Variants in NDST1 observed in about 807,000 individuals in gnomAD.
The protein encoded by NDST1 is N-deacetylase and N-sulfotransferase 1.
Under a neutral mutation model 92.8 loss-of-function variants are expected in NDST1, and 35 were observed. The ratio of observed to expected loss-of-function variants is 0.38; its 90% CI spans 0.29 to 0.50. The LOEUF is 0.50. NDST1 is among the 20% of genes least tolerant of loss of function. The pLI, the probability that NDST1 is intolerant of heterozygous loss-of-function variation, is 0.94. For synonymous variants in NDST1, 493 were observed against 500.3 expected (o/e 0.99, Z 0.19); for missense variants, 822 against 1,182.7 (o/e 0.69, Z 4.47).
Position 150,528,306 on chromosome 5 carries a change from C to T in NDST1, c.1008+8C>T, listed in dbSNP as rs775679380. 20 of 1,583,000 alleles carry T rather than the reference C, an allele frequency of 1.3e-5. No homozygotes were observed. The highest frequency in any genetic ancestry group is 4.5e-5 in the East Asian group (2 of 44,432). ...AAGGTGGAGGACGTGAAGGTATGGC[C>T]GGGGGTGCTAGACCGGGCAAGGCAG... On this transcript the variant is annotated splice_region_variant and intron_variant, in intron 3 of 14. Transcript: ENST00000261797.
Position 150,555,733 on chromosome 5 carries a change from A to G in NDST1, c.*2401A>G, listed in dbSNP as rs988605156. The G allele has an allele frequency of 6.6e-6, 1 of 152,260 alleles. No individual in the cohort carries two copies. The highest frequency in any genetic ancestry group is 1.5e-5 in the Non-Finnish European group (1 of 68,058). The allele number at this position is 152,260 out of a possible 1,614,324, so 9.4% of individuals were successfully genotyped here. The stretch of plus-strand genomic sequence containing the variant: ...CTCTAGGCCTGGAGGCCTCTCTCGC[A>G]GAGCATGGAAGGCAGGAGAGGTGGG... On this transcript the variant is annotated 3_prime_UTR_variant, in exon 15 of 15. Coordinates refer to ENST00000261797, the MANE Select transcript of NDST1 (RefSeq NM_001543.5).
chr5:150,544,802 A>G (rs1755407210), intron 10 of NDST1, among the ~76,000 whole-genome samples: 1 of 152,210 alleles, frequency 6.6e-6, no homozygotes, highest in Non-Finnish European at 1.5e-5. Context: ...TGTGGGTAGC[A>G]GGAGGTCCTG....
At chr5:150,529,203 G>C (rs4958339) in intron 3 of NDST1, among the ~76,000 whole-genome samples, 47,463 of 151,734 alleles carry the variant, frequency 0.31, 8,717 homozygotes, top group Non-Finnish European at 0.4. Context: ...ACCAGCTTGA[G>C]CAACATAAGG....
rs575767478 is a variant in NDST1, at chr5:150,520,990, C to T, written c.-265C>T. On this transcript the variant is annotated 5_prime_UTR_variant, in exon 2 of 15. Transcript: ENST00000261797. ...GACGCCCTGGGGCACTTCTGCTCTGCACAGGACCACGCGGGGGTTTGCCAT... is the reference window on the plus strand; with the variant it reads ...GACGCCCTGGGGCACTTCTGCTCTGTACAGGACCACGCGGGGGTTTGCCAT... The T allele has an allele frequency of 2.2e-4, 130 of 594,580 alleles. 1 individual carries two copies. Among genetic ancestry groups the T allele is most frequent in the African/African-American group, 2.1e-3 (115 of 53,892 alleles). 36.8% of individuals were successfully genotyped at this position (594,580 alleles called of 1,614,324 possible). A position where few individuals can be genotyped will look rare whatever the true frequency, so the allele number is the denominator to read the frequency against.
intron 2 of NDST1, among the ~76,000 whole-genome samples, chr5:150,524,632 A>G (rs577205620): frequency 3.3e-5 from 5 of 152,346 alleles, no homozygotes; most frequent in South Asian, 4.1e-4. Context: ...TCAGATAAGG[A>G]CCTGAGGTTC....
rs1301820244 is a variant in NDST1 at position 150,554,838 on chromosome 5, TG to T, written c.*1510del. ...TGGGATCTCTGGGCTGATTTCTGGT[TG>T]GGGTCTGCTCCTACCCCACCCCATT... is the stretch of plus-strand genomic sequence containing the variant. On this transcript the variant is annotated 3_prime_UTR_variant, in exon 15 of 15. Transcript: ENST00000261797. 1.3e-5 allele frequency: 2 copies of T among 152,698 alleles called. No homozygotes were observed. The highest frequency in any genetic ancestry group is 2.9e-5 in the Non-Finnish European group (2 of 68,108). The allele number at this position is 152,698 out of a possible 1,614,324, so 9.5% of individuals were successfully genotyped here. A position where few individuals can be genotyped will look rare whatever the true frequency, so the allele number is the denominator to read the frequency against.
Position 150,554,877 on chromosome 5 carries a change from G to C in NDST1, c.*1545G>C, listed in dbSNP as rs1220156772. ...ACCCCACCCCATTTAACAATGTGAA[G>C]TGACTGAGGCTGGGGTGCCTCTCCC... is the stretch of plus-strand genomic sequence containing the variant. On this transcript the variant is annotated 3_prime_UTR_variant, in exon 15 of 15. Transcript: ENST00000261797. 6.5e-6 allele frequency: 1 copy of C among 152,798 alleles called. No homozygotes were observed. The highest frequency in any genetic ancestry group is 1.5e-5 in the Non-Finnish European group (1 of 68,162). The allele number at this position is 152,798 out of a possible 1,614,324, so 9.5% of individuals were successfully genotyped here.
rs528143978 is a variant in NDST1 at position 150,540,266 on chromosome 5, TG to T, written c.1749+8del. On this transcript the variant is annotated splice_donor_region_variant and intron_variant, in intron 8 of 14. Coordinates refer to ENST00000261797, the MANE Select transcript of NDST1 (RefSeq NM_001543.5). Reference sequence around the variant, plus strand: ...GAGGAGAAGGACCCGCTCTGGCAGGTGGGGGGCTGGGCAGCCTGGGCAGGTT... The same window carrying T: ...GAGGAGAAGGACCCGCTCTGGCAGGTGGGGGCTGGGCAGCCTGGGCAGGTT... 3.6e-5 allele frequency: 58 copies of T among 1,599,486 alleles called. No individual in the cohort carries two copies. The highest frequency in any genetic ancestry group is 4.8e-5 in the Non-Finnish European group (56 of 1,171,166).
At chr5:150,550,674 C>T (rs570551890) in intron 13 of NDST1, 4 of 152,348 alleles carry the variant, frequency 2.6e-5, no homozygotes, top group South Asian at 2.1e-4. Flanking sequence ...AAGAATATTC[C>T]GTCTTCACTG....
intron 9 of NDST1, 56 bp from the exon 10 acceptor site, chr5:150,542,792 T>G: frequency 6.2e-7 from 1 of 1,612,624 alleles, no homozygotes; most frequent in Admixed American, 1.7e-5. Context: ...GAACCCAGAC[T>G]CTATCTTTTG....
chr5:150,530,707 T>A (rs958165574), intron 3 of NDST1, among the ~76,000 whole-genome samples: 1 of 151,944 alleles, frequency 6.6e-6, no homozygotes, highest in African/African-American at 2.4e-5. Flanking sequence ...CACAGGCACA[T>A]GCCACCATAC....
rs761584248 is a variant in NDST1, at chr5:150,528,117, T to A, written c.827T>A (p.Ile276Asn). ...CAGGACCTGGGCCTGCACGACGGCATCCAGCGCGTGCTGTTTGGCAACAAC... is the reference window on the plus strand; with the variant it reads ...CAGGACCTGGGCCTGCACGACGGCAACCAGCGCGTGCTGTTTGGCAACAAC... ...VVQDLGLHDG[I>N]QRVLFGNNLN... Residue 276 changes from isoleucine to asparagine, a missense_variant, in exon 3 of 15, where the codon ATC becomes AAC. Transcript: ENST00000261797. 6.2e-7 allele frequency: 1 copy of A among 1,614,100 alleles called. No homozygotes were observed. Among genetic ancestry groups the A allele is most frequent in the Non-Finnish European group, 8.5e-7 (1 of 1,179,936 alleles).
At chr5:150,497,793 C>G (rs1478307093), upstream of NDST1, 2 of 152,276 alleles carry the variant, frequency 1.3e-5, no homozygotes, top group African/African-American at 2.4e-5. Context: ...ATTCTGTTCT[C>G]CCGGCCCCGA....
chr5:150,548,637 C>T (rs975938324), intron 12 of NDST1, among the ~76,000 whole-genome samples: 9 of 152,022 alleles, frequency 5.9e-5, no homozygotes, highest in South Asian at 4.2e-4. Flanking sequence ...CCCGAGCTCA[C>T]GCAATCCTTC....
intron 2 of NDST1, among the ~76,000 whole-genome samples, chr5:150,522,101 C>T (rs1754263380): frequency 6.6e-6 from 1 of 152,174 alleles, no homozygotes; most frequent in Admixed American, 6.5e-5. Flanking sequence ...GGCAATCTCC[C>T]CTAGGGAGGG....
chr5:150,538,958 TCCC>T (rs1755116599), intron 6 of NDST1, among the ~76,000 whole-genome samples: 1 of 152,204 alleles, frequency 6.6e-6, no homozygotes, highest in Non-Finnish European at 1.5e-5. Context: ...GCTGCAGCAG[TCCC>T]AAGTTTCCAG....
At chr5:150,522,768 A>G (rs1193362844) in intron 2 of NDST1, among the ~76,000 whole-genome samples, 1 of 152,118 alleles carries the variant, frequency 6.6e-6, no homozygotes, top group South Asian at 2.1e-4. Context: ...GGGAAAGGAC[A>G]CAGAGGGTAG....
intron 1 of NDST1, among the ~76,000 whole-genome samples, chr5:150,513,650 A>G (rs949465776): frequency 6.6e-6 from 1 of 152,168 alleles, no homozygotes; most frequent in African/African-American, 2.4e-5. Flanking sequence ...ACTGGGCACA[A>G]TTCACCATGA....
intron 14 of NDST1, among the ~76,000 whole-genome samples, chr5:150,552,982 G>T (rs1226170933): frequency 6.6e-6 from 1 of 152,072 alleles, no homozygotes; most frequent in African/African-American, 2.4e-5. Context: ...GAGTAGCTGG[G>T]ATTACTGGCG....
Sources: gnomAD v4.1 joint callset for allele counts (sites outside exome capture counted in the v4.1 genomes callset) on GRCh38, gnomAD v4.1.1 for gene constraint, MANE v1.5 for transcripts, NCBI Gene and HGNC (gene_info 2026-07-23, HGNC 2026-07-21) for gene names.